The following REEP3 variants were observed in gnomAD, a reference collection of about 807,000 sequenced individuals.
REEP3 encodes the protein receptor expression-enhancing protein 3.
A neutral mutation model predicts 41.3 loss-of-function variants in REEP3; 20 were observed. The observed-to-expected ratio is 0.48, with a 90% confidence interval of 0.34 to 0.70. REEP3 has a LOEUF of 0.70. Among genes scored for constraint, REEP3 ranks in the 30% least tolerant of loss-of-function variants. REEP3 has a pLI of 0.01. For missense variants in REEP3, 271 were observed against 308.8 expected (o/e 0.88, Z 0.92); for synonymous variants, 104 against 101.8 (o/e 1.02, Z -0.13).
chr10:63,521,675 C>A, intron 1 of REEP3, 98 bp downstream of exon 1: 1 of 894,772 alleles, frequency 1.1e-6, no homozygotes, highest in Non-Finnish European at 1.5e-6. Flanking sequence ...TGGGCCTGGG[C>A]GGGGACGGGG....
chr10:63,528,416 A>G (rs1373110778), intron 1 of REEP3, among the ~76,000 whole-genome samples: 2 of 152,188 alleles, frequency 1.3e-5, no homozygotes, highest in Non-Finnish European at 1.5e-5. Flanking sequence ...TCTGCTTTCA[A>G]AATACATCCT....
At chr10:63,568,441 G>C (rs945677398) in intron 2 of REEP3, among the ~76,000 whole-genome samples, 1 of 150,976 alleles carries the variant, frequency 6.6e-6, no homozygotes, top group African/African-American at 2.4e-5. Context: ...TAATTTTTTT[G>C]TATTTTTAAT....
intron 5 of REEP3, among the ~76,000 whole-genome samples, chr10:63,609,020 T>C (rs1956254870): frequency 6.6e-6 from 1 of 152,262 alleles, no homozygotes; most frequent in South Asian, 2.1e-4. Flanking sequence ...TCTTGCCAGA[T>C]AGTTAATTCA....
intron 1 of REEP3, among the ~76,000 whole-genome samples, chr10:63,523,764 G>A (rs567300041): frequency 2.6e-5 from 4 of 152,388 alleles, no homozygotes; most frequent in African/African-American, 7.2e-5. Flanking sequence ...TACAGTGGGC[G>A]TGAGGGACTC....
At chr10:63,543,363 A>G (rs561967130) in intron 1 of REEP3, among the ~76,000 whole-genome samples, 3 of 152,116 alleles carry the variant, frequency 2.0e-5, no homozygotes, top group East Asian at 1.9e-4. Flanking sequence ...TGGCACAGTC[A>G]TGACTCACTA....
At chr10:63,533,523 A>T (rs899487509) in intron 1 of REEP3, among the ~76,000 whole-genome samples, 5 of 151,726 alleles carry the variant, frequency 3.3e-5, no homozygotes, top group Admixed American at 6.6e-5. Context: ...ATTTTCATCA[A>T]CCGTAGTTTT....
chr10:63,614,260 G>A (rs1345305219), intron 6 of REEP3, among the ~76,000 whole-genome samples: 1 of 152,174 alleles, frequency 6.6e-6, no homozygotes, highest in Non-Finnish European at 1.5e-5. Context: ...TCTGTGTTGG[G>A]AACTGTTTCA....
intron 5 of REEP3, among the ~76,000 whole-genome samples, chr10:63,600,696 A>G (rs1199272598): frequency 6.6e-6 from 1 of 152,252 alleles, no homozygotes; most frequent in Non-Finnish European, 1.5e-5. Flanking sequence ...AAATAATACA[A>G]TAATATTTCC....
chr10:63,593,782 T>C (rs1348498442), intron 2 of REEP3, among the ~76,000 whole-genome samples: 1 of 152,160 alleles, frequency 6.6e-6, no homozygotes, highest in Non-Finnish European at 1.5e-5. Flanking sequence ...CAGGGACCAT[T>C]CAGCATGCCC....
Position 63,623,350 on chromosome 10 carries a change from C to A in REEP3, c.*2481C>A, listed in dbSNP as rs1456226602. On this transcript the variant is annotated 3_prime_UTR_variant, in exon 8 of 8. Coordinates refer to ENST00000373758, the MANE Select transcript of REEP3 (RefSeq NM_001001330.3). Reference sequence around the variant, plus strand: ...CTAATTAGCCTGTACATTTTTGTTTCTTTTAAGGTAGAACAGATCTTTTTT... The same window carrying A: ...CTAATTAGCCTGTACATTTTTGTTTATTTTAAGGTAGAACAGATCTTTTTT... 1 of 151,940 alleles carries A rather than the reference C, an allele frequency of 6.6e-6. No homozygotes were observed. The highest frequency in any genetic ancestry group is 1.9e-4 in the East Asian group (1 of 5,192). 9.4% of individuals were successfully genotyped at this position (151,940 alleles called of 1,614,324 possible).
rs1312997017 is a variant in REEP3, at chr10:63,621,686, T to A, written c.*817T>A. On this transcript the variant is annotated 3_prime_UTR_variant, in exon 8 of 8. Coordinates refer to ENST00000373758, the MANE Select transcript of REEP3 (RefSeq NM_001001330.3). ...ACAAATAAGAAGTTGCTTTAAACAT[T>A]AACCAATTTTCTATATTTAGCTATA... is the stretch of plus-strand genomic sequence containing the variant. The A allele has an allele frequency of 6.6e-6, 1 of 152,616 alleles. No individual in the cohort carries two copies. The highest frequency in any genetic ancestry group is 1.5e-5 in the Non-Finnish European group (1 of 68,030). The allele number at this position is 152,616 out of a possible 1,614,324, so 9.5% of individuals were successfully genotyped here.
chr10:63,564,704 A>G (rs1166385175), intron 1 of REEP3, among the ~76,000 whole-genome samples: 1 of 151,086 alleles, frequency 6.6e-6, no homozygotes, highest in Non-Finnish European at 1.5e-5. Flanking sequence ...TTTTTTTCCT[A>G]ACGATGATAC....
rs546370189 is a variant in REEP3 at position 63,540,554 on chromosome 10, C to G, written c.32+18977C>G. 2.0e-5 allele frequency among the ~76,000 whole-genome samples: 3 copies of G among 152,184 alleles called. No homozygotes were observed. In the East Asian group the frequency reaches 5.8e-4, roughly 29 times the overall value. ...GGGAAGGGAGAAGGGAGGAAGGAAG[C>G]TTGAGGGCAAATTTTATCTACCATA... On this transcript the variant is annotated intron_variant, in intron 1 of 7. Transcript: ENST00000373758.
chr10:63,529,358 C>T (rs757081524), intron 1 of REEP3, among the ~76,000 whole-genome samples: 4 of 152,054 alleles, frequency 2.6e-5, no homozygotes, highest in Non-Finnish European at 5.9e-5. Context: ...TAAAATTGTT[C>T]TGGAGATAGA....
intron 2 of REEP3, among the ~76,000 whole-genome samples, chr10:63,582,171 C>G (rs1381901796): frequency 6.6e-6 from 1 of 152,214 alleles, no homozygotes; most frequent in Non-Finnish European, 1.5e-5. Flanking sequence ...ATAGTTCTGG[C>G]CTGAGCTTCA....
intron 1 of REEP3, chr10:63,562,991 C>T: frequency 2.2e-6 from 1 of 456,508 alleles, no homozygotes; most frequent in Non-Finnish European, 4.4e-6. Flanking sequence ...GTATGATTGG[C>T]TTCCTTCTAA....
chr10:63,557,634 A>G (rs868826100), intron 1 of REEP3, among the ~76,000 whole-genome samples: 5 of 152,190 alleles, frequency 3.3e-5, no homozygotes, highest in African/African-American at 1.2e-4. Flanking sequence ...CTGGCACCTT[A>G]GAGCTGCATT....
intron 1 of REEP3, among the ~76,000 whole-genome samples, chr10:63,552,413 A>G (rs1955638245): frequency 6.6e-6 from 1 of 152,198 alleles, no homozygotes; most frequent in South Asian, 2.1e-4. Flanking sequence ...TCCGTCTCAA[A>G]AAAAAAAGAA....
At chr10:63,547,480 G>A (rs1191550295) in intron 1 of REEP3, among the ~76,000 whole-genome samples, 5 of 152,156 alleles carry the variant, frequency 3.3e-5, no homozygotes, top group African/African-American at 1.2e-4. Flanking sequence ...TGGGGTGCAT[G>A]CAAGTAGCCA....
Sources: gnomAD v4.1 joint callset for allele counts (sites outside exome capture counted in the v4.1 genomes callset) on GRCh38, gnomAD v4.1.1 for gene constraint, MANE v1.5 for transcripts, NCBI Gene and HGNC (gene_info 2026-07-23, HGNC 2026-07-21) for gene names.